CDKL5: variants seen among roughly 807,000 people sequenced by gnomAD.
CDKL5 encodes the protein cyclin dependent kinase like 5.
Under a neutral mutation model 61.7 loss-of-function variants are expected in CDKL5, and 8 were observed. The observed-to-expected ratio is 0.13, with a 90% CI of 0.08 to 0.23. The LOEUF is 0.23. Among genes scored for constraint, CDKL5 ranks in the 10% least tolerant of loss-of-function variants. CDKL5 has a pLI of 1.00. For synonymous variants in CDKL5, 275 were observed against 272.3 expected (o/e 1.01, Z -0.10); for missense variants, 440 against 734.5 (o/e 0.60, Z 4.63).
At chrX:18,627,895 T>C (rs1368839919) in intron 17 of CDKL5, among the ~76,000 whole-genome samples, 6 of 110,732 alleles carry the variant, frequency 5.4e-5, no homozygotes, top group Admixed American at 4.8e-4. Flanking sequence ...ATACGACTTG[T>C]AGTTGAGTAC....
chrX:18,593,290 A>G (rs949374064), intron 9 of CDKL5, among the ~76,000 whole-genome samples: 15 of 112,133 alleles, frequency 1.3e-4, no homozygotes, highest in Non-Finnish European at 2.3e-4. Flanking sequence ...ACTCAAACGC[A>G]TGTAAATTAA....
chrX:18,442,014 C>T (rs893971182), intron 1 of CDKL5, among the ~76,000 whole-genome samples: 1 of 111,225 alleles, frequency 9.0e-6, no homozygotes, highest in Non-Finnish European at 1.9e-5. Flanking sequence ...CACCCCTCCT[C>T]CCTGCTGCTC....
chrX:18,511,817 A>AT (rs1158120349), intron 3 of CDKL5, among the ~76,000 whole-genome samples: 1 of 112,405 alleles, frequency 8.9e-6, no homozygotes, highest in African/African-American at 3.2e-5. Context: ...GACAGATTTA[A>AT]TTTATGTTCA....
chrX:18,450,767 G>A (rs1312078090), intron 1 of CDKL5, among the ~76,000 whole-genome samples: 2 of 110,860 alleles, frequency 1.8e-5, no homozygotes, highest in African/African-American at 6.6e-5. Flanking sequence ...TAGAGATGGC[G>A]TTTCACCATG....
chrX:18,427,126 G>T (rs1931383673), intron 1 of CDKL5, among the ~76,000 whole-genome samples: 1 of 110,844 alleles, frequency 9.0e-6, no homozygotes, highest in African/African-American at 3.3e-5. Flanking sequence ...AATATGATAG[G>T]TTGAGTACCT....
chrX:18,594,568 A>T (rs375575653), intron 9 of CDKL5, among the ~76,000 whole-genome samples: 1 of 112,021 alleles, frequency 8.9e-6, no homozygotes, highest in Non-Finnish European at 1.9e-5. Context: ...TTTTACTTCT[A>T]TGTTTTCAAA....
intron 3 of CDKL5, among the ~76,000 whole-genome samples, chrX:18,540,196 G>A (rs1470409866): frequency 1.8e-5 from 2 of 110,431 alleles, no homozygotes; most frequent in Non-Finnish European, 3.8e-5. Flanking sequence ...TTGAGACAGG[G>A]TCTCATTTTG....
intron 1 of CDKL5, among the ~76,000 whole-genome samples, chrX:18,491,773 GATA>G (rs773443548): frequency 1.7e-4 from 19 of 111,406 alleles, no homozygotes; most frequent in Non-Finnish European, 1.3e-4. Context: ...TAATTTGTTG[GATA>G]ATAAATTAAT....
intron 1 of CDKL5, among the ~76,000 whole-genome samples, chrX:18,459,889 C>T (rs770395896): frequency 3.3e-4 from 34 of 101,505 alleles, no homozygotes; most frequent in African/African-American, 1.0e-3. Flanking sequence ...TTTCTTTTTC[C>T]GAGACTGAGT....
chrX:18,463,874 A>T (rs993839999), intron 1 of CDKL5, among the ~76,000 whole-genome samples: 3 of 112,008 alleles, frequency 2.7e-5, no homozygotes, highest in African/African-American at 9.7e-5. Flanking sequence ...CAAGTTCCAA[A>T]GTTCTCCTTT....
At chrX:18,509,091 A>AACACACACAC (rs34278137) in intron 2 of CDKL5, among the ~76,000 whole-genome samples, 8 of 74,878 alleles carry the variant, frequency 1.1e-4, no homozygotes, top group South Asian at 6.6e-4. Flanking sequence ...ACTGTCTCAA[A>AACACACACAC]ACACACACAC....
rs1927439873 is a variant in CDKL5 at position 18,637,874 on chromosome X, A to G, written c.*9117A>G. On this transcript the variant is annotated 3_prime_UTR_variant, in exon 18 of 18. Transcript: ENST00000623535. ...AGGAAATTGAGAAGGAATGTCACTG[A>G]ATCTTTAATGCCAGTTACACAGAGC... The G allele has an allele frequency of 8.9e-6, 1 of 112,324 alleles. No homozygotes were observed. The highest frequency in any genetic ancestry group is 3.2e-5 in the African/African-American group (1 of 30,945). 9.3% of individuals were successfully genotyped at this position (112,324 alleles called of 1,213,427 possible). A position where few individuals can be genotyped will look rare whatever the true frequency, so the allele number is the denominator to read the frequency against.
rs185542559 is a variant in CDKL5 at position 18,504,041 on chromosome X, A to G, written c.-162-2894A>G. On this transcript the variant is annotated intron_variant, in intron 1 of 17. Coordinates refer to ENST00000623535, the MANE Select transcript of CDKL5 (RefSeq NM_001323289.2). ...AGTGCTGGGATTATGGACACGAGCC[A>G]CTGTGCCTGGCTAGGATGTTTAATA... Among the ~76,000 whole-genome samples the G allele has an allele frequency of 5.4e-3, 606 of 111,489 alleles. 3 individuals carry two copies. Among genetic ancestry groups the G allele is most frequent in the African/African-American group, 0.019 (593 of 30,703 alleles).
At chrX:18,486,820 G>A (rs1325188057) in intron 1 of CDKL5, among the ~76,000 whole-genome samples, 1 of 111,778 alleles carries the variant, frequency 8.9e-6, no homozygotes, top group Non-Finnish European at 1.9e-5. Context: ...TTCCAAATAA[G>A]TGCTTGATGA....
intron 2 of CDKL5, among the ~76,000 whole-genome samples, chrX:18,509,301 A>C (rs1922739912): frequency 9.2e-6 from 1 of 109,102 alleles, no homozygotes. Context: ...TTTTTACCCC[A>C]TAGAATAACT....
chrX:18,475,397 C>T (rs1006669997), intron 1 of CDKL5, among the ~76,000 whole-genome samples: 2 of 110,334 alleles, frequency 1.8e-5, no homozygotes, highest in African/African-American at 6.6e-5. Context: ...TGGGCACAAG[C>T]GATCCTCCCA....
chrX:18,464,515 TTCTG>T (rs753049348), intron 1 of CDKL5, among the ~76,000 whole-genome samples: 4 of 112,396 alleles, frequency 3.6e-5, no homozygotes, highest in East Asian at 2.8e-4. Flanking sequence ...GATATTCAGC[TTCTG>T]TCTTTCTCTT....
intron 1 of CDKL5, among the ~76,000 whole-genome samples, chrX:18,462,248 G>A (rs1932306636): frequency 9.0e-6 from 1 of 111,041 alleles, no homozygotes; most frequent in Admixed American, 9.7e-5. Flanking sequence ...ACCTTGAAAG[G>A]ATTTCAGTCG....
At chrX:18,436,039 A>C (rs1195181489) in intron 1 of CDKL5, among the ~76,000 whole-genome samples, 2 of 111,975 alleles carry the variant, frequency 1.8e-5, no homozygotes, top group African/African-American at 3.2e-5. Flanking sequence ...TGGAAGCCTT[A>C]TTGGTAATAT....
Sources: gnomAD v4.1 joint callset for allele counts (sites outside exome capture counted in the v4.1 genomes callset) on GRCh38, gnomAD v4.1.1 for gene constraint, MANE v1.5 for transcripts, NCBI Gene and HGNC (gene_info 2026-07-23, HGNC 2026-07-21) for gene names.